Variants in PIP4K2A observed in about 807,000 individuals in gnomAD.
PIP4K2A encodes phosphatidylinositol 5-phosphate 4-kinase type-2 alpha.
In PIP4K2A, 14 loss-of-function variants were observed where a neutral mutation model predicts 42.9. The ratio of observed to expected loss-of-function variants is 0.33; its 90% CI spans 0.22 to 0.51. The LOEUF (loss-of-function observed/expected upper bound fraction) is 0.51, where lower values mean the gene tolerates loss of function less well. Ranked by LOEUF, PIP4K2A falls within the 20% of genes least tolerant of loss-of-function variation. The probability of loss-of-function intolerance (pLI) is 0.97; values close to 1 mark genes in which losing one functional copy is unlikely to be tolerated. For missense variants in PIP4K2A, 434 were observed against 519.8 expected (o/e 0.83, Z 1.61); for synonymous variants, 192 against 192.2 (o/e 1.00, Z 0.01).
chr10:22,666,645 C>T (rs1839358448), intron 1 of PIP4K2A, among the ~76,000 whole-genome samples: 1 of 152,160 alleles, frequency 6.6e-6, no homozygotes, highest in Non-Finnish European at 1.5e-5. Context: ...TCAGCCTGCA[C>T]AAACCCCAAC....
At chr10:22,712,434 G>C (rs1833926445) in intron 1 of PIP4K2A, among the ~76,000 whole-genome samples, 1 of 151,628 alleles carries the variant, frequency 6.6e-6, no homozygotes, top group Non-Finnish European at 1.5e-5. Context: ...CAAAACACCA[G>C]AACTCCAAAG....
intron 1 of PIP4K2A, among the ~76,000 whole-genome samples, chr10:22,613,700 C>T (rs1001571232): frequency 1.3e-5 from 2 of 152,118 alleles, no homozygotes; most frequent in South Asian, 2.1e-4. Flanking sequence ...CAGAGCTGAG[C>T]GTCATCCACA....
At chr10:22,571,325 C>G (rs1382883460) in intron 5 of PIP4K2A, among the ~76,000 whole-genome samples, 1 of 152,194 alleles carries the variant, frequency 6.6e-6, no homozygotes, top group East Asian at 1.9e-4. Context: ...TCACAGAAAA[C>G]AACTGACAGG....
intron 4 of PIP4K2A, among the ~76,000 whole-genome samples, chr10:22,588,730 C>T (rs1434207859): frequency 2.0e-5 from 3 of 152,210 alleles, no homozygotes; most frequent in East Asian, 1.9e-4. Context: ...TGTCTCCTGA[C>T]TTCTACTTAG....
intron 1 of PIP4K2A, among the ~76,000 whole-genome samples, chr10:22,639,845 C>G (rs1838742290): frequency 6.6e-6 from 1 of 152,068 alleles, no homozygotes; most frequent in Non-Finnish European, 1.5e-5. Flanking sequence ...ATGTCTTCAG[C>G]CACGTAAATT....
chr10:22,599,719 G>T (rs143770483), intron 3 of PIP4K2A, among the ~76,000 whole-genome samples: 2 of 152,168 alleles, frequency 1.3e-5, no homozygotes, highest in Non-Finnish European at 2.9e-5. Flanking sequence ...ATTTTGCAAC[G>T]TGGTGAATAA....
chr10:22,666,906 T>C (rs1485623162), intron 1 of PIP4K2A, among the ~76,000 whole-genome samples: 1 of 152,210 alleles, frequency 6.6e-6, no homozygotes, highest in Non-Finnish European at 1.5e-5. Flanking sequence ...GCAAGAAAGT[T>C]AATCATTGGC....
chr10:22,600,276 A>G (rs1409527286), intron 3 of PIP4K2A, among the ~76,000 whole-genome samples: 2 of 152,042 alleles, frequency 1.3e-5, no homozygotes, highest in Non-Finnish European at 2.9e-5. Context: ...TTTTTGGTTG[A>G]AAGAGGGGCC....
chr10:22,691,846 G>A (rs1485000567), intron 1 of PIP4K2A: 3 of 152,148 alleles, frequency 2.0e-5, no homozygotes, highest in African/African-American at 7.2e-5. Context: ...AGAGCTGCTG[G>A]AAATAGAACA....
intron 1 of PIP4K2A, among the ~76,000 whole-genome samples, chr10:22,656,854 A>G (rs1377576657): frequency 6.6e-6 from 1 of 151,744 alleles, no homozygotes; most frequent in Admixed American, 6.6e-5. Flanking sequence ...AAACTATATG[A>G]GACTCTAGGT....
chr10:22,651,093 T>TTA (rs1838985946), intron 1 of PIP4K2A, among the ~76,000 whole-genome samples: 1 of 152,192 alleles, frequency 6.6e-6, no homozygotes, highest in African/African-American at 2.4e-5. Flanking sequence ...AAAGGCACTC[T>TTA]TACCACAAAG....
At chr10:22,697,639 T>C (rs1839997199) in intron 1 of PIP4K2A, among the ~76,000 whole-genome samples, 1 of 152,070 alleles carries the variant, frequency 6.6e-6, no homozygotes, top group Non-Finnish European at 1.5e-5. Flanking sequence ...AGCAGGAGAA[T>C]CACTTGTACC....
At chr10:22,617,271 G>T (rs943751376) in intron 1 of PIP4K2A, among the ~76,000 whole-genome samples, 4 of 152,204 alleles carry the variant, frequency 2.6e-5, no homozygotes, top group African/African-American at 9.7e-5. Context: ...GCAAAAATGG[G>T]AATACTAAAT....
Position 22,685,520 on chromosome 10 carries a change from C to T in PIP4K2A, c.144+28663G>A, listed in dbSNP as rs78095192. 3.6e-3 allele frequency among the ~76,000 whole-genome samples: 512 copies of T among 140,596 alleles called. 5 individuals carry two copies. Among genetic ancestry groups the T allele is most frequent in the African/African-American group, 0.013 (483 of 37,502 alleles). 92.2% of individuals were successfully genotyped at this position (140,596 alleles called of 152,430 possible). ...GACAGGCCTGATCAACAAAGTGACA[C>T]CCATTTTCTATAAAAAACAAACAAA... On this transcript the variant is annotated intron_variant, in intron 1 of 9. Transcript: ENST00000376573.
chr10:22,638,196 T>G (rs1838707795), intron 1 of PIP4K2A, among the ~76,000 whole-genome samples: 1 of 152,184 alleles, frequency 6.6e-6, no homozygotes, highest in African/African-American at 2.4e-5. Flanking sequence ...TAAGAATGAA[T>G]GAATAAAATT....
intron 1 of PIP4K2A, among the ~76,000 whole-genome samples, chr10:22,647,393 T>C (rs1246688659): frequency 1.3e-5 from 2 of 152,156 alleles, no homozygotes; most frequent in African/African-American, 2.4e-5. Flanking sequence ...ATATGTTAAC[T>C]ATTTTGTGAA....
intron 1 of PIP4K2A, among the ~76,000 whole-genome samples, chr10:22,691,049 C>T (rs148317926): frequency 1.3e-5 from 2 of 152,094 alleles, no homozygotes; most frequent in Admixed American, 6.6e-5. Flanking sequence ...GGTGGTGTCT[C>T]GATTTTACAA....
intron 1 of PIP4K2A, among the ~76,000 whole-genome samples, chr10:22,664,068 TATATATAC>T (rs1839266935): frequency 1.2e-5 from 1 of 82,240 alleles, no homozygotes; most frequent in Admixed American, 1.3e-4. Context: ...TATACATATA[TATATATAC>T]GTATATATAT....
At chr10:22,681,122 A>C (rs1284930554) in intron 1 of PIP4K2A, among the ~76,000 whole-genome samples, 1 of 152,010 alleles carries the variant, frequency 6.6e-6, no homozygotes, top group African/African-American at 2.4e-5. Context: ...TTTTCTTGTC[A>C]TTTCTTCTCA....
Sources: allele counts gnomAD v4.1 joint callset (sites outside exome capture counted in the v4.1 genomes callset), GRCh38; gene constraint gnomAD v4.1.1; transcripts MANE v1.5; gene names NCBI Gene and HGNC (gene_info 2026-07-23, HGNC 2026-07-21).